CNTNAP2: variants seen among roughly 807,000 people sequenced by gnomAD.
The protein encoded by CNTNAP2 is contactin associated protein 2.
Under a neutral mutation model 155.2 loss-of-function variants are expected in CNTNAP2, and 98 were observed. The observed-to-expected ratio is 0.63, with a 90% CI of 0.54 to 0.75. The LOEUF (loss-of-function observed/expected upper bound fraction) is 0.75. Among genes scored for constraint, CNTNAP2 ranks in the 30% least tolerant of loss-of-function variants. The pLI, the probability that CNTNAP2 is intolerant of heterozygous loss-of-function variation, is 0.00. For synonymous variants in CNTNAP2, 651 were observed against 631.2 expected (o/e 1.03, Z -0.47); for missense variants, 1,727 against 1,688.1 (o/e 1.02, Z -0.40).
intron 21 of CNTNAP2, among the ~76,000 whole-genome samples, chr7:148,316,166 G>A (rs11514853): frequency 0.32 from 49,184 of 151,882 alleles, 8,668 homozygotes; most frequent in East Asian, 0.48. Context: ...AATCTACATA[G>A]AGCAACTGGG....
chr7:146,343,064 T>A (rs1794757812), intron 1 of CNTNAP2, among the ~76,000 whole-genome samples: 1 of 152,130 alleles, frequency 6.6e-6, no homozygotes, highest in African/African-American at 2.4e-5. Flanking sequence ...CGTTACTGTG[T>A]TTGGTAAAGA....
intron 13 of CNTNAP2, among the ~76,000 whole-genome samples, chr7:147,853,047 TAA>T (rs1488850953): frequency 6.6e-6 from 1 of 152,208 alleles, no homozygotes; most frequent in Non-Finnish European, 1.5e-5. Context: ...GGCTTGTCAA[TAA>T]AGTGTCTTTT....
In CNTNAP2 at chr7:146,652,363, T is replaced by C. The variant is rs565628150; in HGVS notation, c.98-121908T>C. On this transcript the variant is annotated intron_variant, in intron 1 of 23. Coordinates refer to ENST00000361727, the MANE Select transcript of CNTNAP2 (RefSeq NM_014141.6). ...TGTTGGTTCTCTGATTATCTCACTG[T>C]GGGCTACTTCTGTTTTCATTATTTA... is the stretch of plus-strand genomic sequence containing the variant. Among the ~76,000 whole-genome samples the C allele has an allele frequency of 3.2e-3, 482 of 152,274 alleles. 2 individuals are homozygous for C. Among genetic ancestry groups the C allele is most frequent in the African/African-American group, 0.011 (458 of 41,572 alleles).
At chr7:148,283,538 G>T (rs1361204747) in intron 21 of CNTNAP2, among the ~76,000 whole-genome samples, 1 of 152,160 alleles carries the variant, frequency 6.6e-6, no homozygotes, top group Non-Finnish European at 1.5e-5. Flanking sequence ...CAAACAATTT[G>T]TCATCAATGT....
chr7:147,017,654 C>G (rs1335442881), intron 3 of CNTNAP2, among the ~76,000 whole-genome samples: 4 of 151,906 alleles, frequency 2.6e-5, no homozygotes, highest in African/African-American at 9.7e-5. Context: ...GAGTAAAGAA[C>G]AGTAAACTTA....
intron 10 of CNTNAP2, among the ~76,000 whole-genome samples, chr7:147,402,905 C>A (rs1796941045): frequency 6.7e-6 from 1 of 149,408 alleles, no homozygotes; most frequent in African/African-American, 2.5e-5. Context: ...AGCCATCATA[C>A]TGACTGATGA....
At chr7:146,925,703 T>A (rs1298131527) in intron 3 of CNTNAP2, among the ~76,000 whole-genome samples, 1 of 152,116 alleles carries the variant, frequency 6.6e-6, no homozygotes, top group Non-Finnish European at 1.5e-5. Flanking sequence ...GTCATACCAC[T>A]CTCTAAGCTC....
chr7:146,757,578 C>T (rs1802014980), intron 1 of CNTNAP2, among the ~76,000 whole-genome samples: 1 of 152,128 alleles, frequency 6.6e-6, no homozygotes, highest in African/African-American at 2.4e-5. Flanking sequence ...ATTTCTCCTG[C>T]TTTACAAATG....
chr7:146,171,105 T>C (rs755256214), intron 1 of CNTNAP2, among the ~76,000 whole-genome samples: 1 of 152,150 alleles, frequency 6.6e-6, no homozygotes, highest in Admixed American at 6.5e-5. Context: ...GCTTTCTGGA[T>C]TTTTTGTGTG....
chr7:147,986,574 T>G (rs1224638983), intron 15 of CNTNAP2, among the ~76,000 whole-genome samples: 1 of 152,178 alleles, frequency 6.6e-6, no homozygotes, highest in African/African-American at 2.4e-5. Flanking sequence ...GTTAAGTGAC[T>G]GGCCCAAGGT....
At chr7:147,960,155 T>C (rs980903944) in intron 14 of CNTNAP2, among the ~76,000 whole-genome samples, 5 of 152,044 alleles carry the variant, frequency 3.3e-5, no homozygotes, top group African/African-American at 1.2e-4. Flanking sequence ...TAGTTTAGGC[T>C]CTTAAGTTGG....
At chr7:148,259,650 TTTC>T (rs1161157869) in intron 20 of CNTNAP2, among the ~76,000 whole-genome samples, 3 of 152,202 alleles carry the variant, frequency 2.0e-5, no homozygotes, top group African/African-American at 7.2e-5. Flanking sequence ...CATTTAGGTA[TTTC>T]TTCTTTAGCT....
intron 8 of CNTNAP2, among the ~76,000 whole-genome samples, chr7:147,193,252 T>G (rs1244722826): frequency 6.6e-6 from 1 of 152,196 alleles, no homozygotes; most frequent in African/African-American, 2.4e-5. Context: ...GGAAGTTTAG[T>G]GCTATTAGGG....
In CNTNAP2 at chr7:146,489,392, C is replaced by T. The variant is rs147850303; in HGVS notation, c.98-284879C>T. On this transcript the variant is annotated intron_variant, in intron 1 of 23. Transcript: ENST00000361727. ...TAACTTGTCTAATTGAAAACCGAAC[C>T]TTTCTCTTACTGCTCTTTTAGTAGT... Among the ~76,000 whole-genome samples, 141 of 152,194 alleles carry T rather than the reference C, an allele frequency of 9.3e-4. 1 individual carries two copies. In the East Asian group the frequency reaches 0.011, roughly 11 times the overall value.
intron 17 of CNTNAP2, 137 bp downstream of exon 17, chr7:148,147,846 A>G (rs929981196): frequency 4.6e-5 from 39 of 844,004 alleles, no homozygotes; most frequent in Non-Finnish European, 6.6e-5. Context: ...GGCCTCTTGT[A>G]GTCTCCTTCA....
At chr7:147,864,690 A>C (rs1334866895) in intron 13 of CNTNAP2, among the ~76,000 whole-genome samples, 2 of 152,108 alleles carry the variant, frequency 1.3e-5, no homozygotes, top group Non-Finnish European at 2.9e-5. Flanking sequence ...CTTTGAAGCA[A>C]TTGTGAATGG....
chr7:146,985,630 A>T (rs2129237780), intron 3 of CNTNAP2, among the ~76,000 whole-genome samples: 1 of 152,226 alleles, frequency 6.6e-6, no homozygotes, highest in East Asian at 1.9e-4. Flanking sequence ...ATTTACTCTT[A>T]ATATGTATTC....
At chr7:146,719,439 T>G (rs1801247385) in intron 1 of CNTNAP2, among the ~76,000 whole-genome samples, 1 of 152,210 alleles carries the variant, frequency 6.6e-6, no homozygotes, top group Admixed American at 6.6e-5. Context: ...TTTTCAGACT[T>G]CAAATTAGTG....
intron 9 of CNTNAP2, among the ~76,000 whole-genome samples, chr7:147,306,525 A>G (rs1243569623): frequency 6.6e-6 from 1 of 152,226 alleles, no homozygotes; most frequent in African/African-American, 2.4e-5. Flanking sequence ...AAGAGAGAGA[A>G]CTTATCTCTG....
Sources: allele counts gnomAD v4.1 joint callset (sites outside exome capture counted in the v4.1 genomes callset), GRCh38; gene constraint gnomAD v4.1.1; transcripts MANE v1.5; gene names NCBI Gene and HGNC (gene_info 2026-07-23, HGNC 2026-07-21).